The following FAM177A1 variants were observed in gnomAD, a reference collection of about 807,000 sequenced individuals.
FAM177A1 encodes the protein protein FAM177A1.
FAM177A1 carries 22 observed loss-of-function variants against 26.1 expected under a neutral mutation model. That is an observed-to-expected ratio of 0.84 (90% CI 0.60 to 1.20). The LOEUF (loss-of-function observed/expected upper bound fraction) is 1.20, where lower values mean the gene tolerates loss of function less well. Ranked by LOEUF, FAM177A1 falls within the 50% of genes most tolerant of loss-of-function variation. The pLI, the probability that FAM177A1 is intolerant of heterozygous loss-of-function variation, is 0.00. For missense variants in FAM177A1, 296 were observed against 291.1 expected, an observed-to-expected ratio of 1.02 and a Z score of -0.12; for synonymous variants, 95 against 99.3, an observed-to-expected ratio of 0.96 and a Z score of 0.26.
intron 2 of FAM177A1, among the ~76,000 whole-genome samples, chr14:35,067,418 TC>T (rs1418229888): frequency 6.6e-6 from 1 of 152,240 alleles, no homozygotes. Flanking sequence ...ATTTTCTTTA[TC>T]CATTCATCTG....
At position 35,080,678 on chromosome 14, in the gene FAM177A1, G is replaced by A. The variant is rs931144069; in HGVS notation, c.505-344G>A. Among the ~76,000 whole-genome samples the A allele has an allele frequency of 7.9e-5, 12 of 152,218 alleles. 1 individual carries two copies. The highest frequency in any genetic ancestry group is 7.9e-4 in the Admixed American group (12 of 15,278). ...TAGCTGGGCGTGGTGGCAGGTGCTT[G>A]TAGTCCCAGCTACTCAGGAGGCTGA... On this transcript the variant is annotated intron_variant, in intron 4 of 4. Coordinates refer to ENST00000280987, the MANE Select transcript of FAM177A1 (RefSeq NM_173607.5).
At chr14:35,052,358 A>T (rs2044986494) in intron 1 of FAM177A1, among the ~76,000 whole-genome samples, 2 of 151,482 alleles carry the variant, frequency 1.3e-5, no homozygotes, top group South Asian at 2.1e-4. Flanking sequence ...AGTAGTTGGG[A>T]CTACAGGCAC....
chr14:35,070,114 C>CAA lies in FAM177A1; in HGVS notation c.340-7001_340-7000dup, dbSNP rs746133319. On this transcript the variant is annotated intron_variant, in intron 2 of 4. Transcript: ENST00000280987. ...TGGGCGACAGAGTGAGACTCTGTCT[C>CAA]AAAAAAAAAAAAAAAAAAAAAAAAA... 1.0e-3 allele frequency among the ~76,000 whole-genome samples: 55 copies of CAA among 53,854 alleles called. 4 individuals are homozygous for CAA. The highest frequency in any genetic ancestry group is 1.4e-3 in the African/African-American group (17 of 12,090). 35.3% of individuals were successfully genotyped at this position (53,854 alleles called of 152,430 possible).
intron 2 of FAM177A1, among the ~76,000 whole-genome samples, chr14:35,061,036 C>T (rs908083842): frequency 1.3e-5 from 2 of 151,640 alleles, no homozygotes; most frequent in Non-Finnish European, 2.9e-5. Flanking sequence ...CTTATTGTGA[C>T]TAATCTATAA....
chr14:35,076,187 C>T (rs1258264031), intron 2 of FAM177A1, among the ~76,000 whole-genome samples: 1 of 152,120 alleles, frequency 6.6e-6, no homozygotes, highest in Non-Finnish European at 1.5e-5. Context: ...GACTTGGAAC[C>T]AACCCAAATG....
At chr14:35,063,528 A>C (rs926638703) in intron 2 of FAM177A1, among the ~76,000 whole-genome samples, 1 of 151,932 alleles carries the variant, frequency 6.6e-6, no homozygotes, top group African/African-American at 2.4e-5. Context: ...CAGTGAGTCA[A>C]GATCCCGCCA....
chr14:35,064,805 C>A (rs967877292), intron 2 of FAM177A1, among the ~76,000 whole-genome samples: 2 of 152,006 alleles, frequency 1.3e-5, no homozygotes, highest in East Asian at 3.9e-4. Flanking sequence ...GCACCCGCCA[C>A]CATGACCAGC....
chr14:35,075,656 A>G (rs1274285395), intron 2 of FAM177A1, among the ~76,000 whole-genome samples: 1 of 152,220 alleles, frequency 6.6e-6, no homozygotes, highest in Non-Finnish European at 1.5e-5. Flanking sequence ...ATCAGAGTGA[A>G]CAGGCAACCT....
chr14:35,062,168 A>G (rs546583265), intron 2 of FAM177A1, among the ~76,000 whole-genome samples: 1 of 152,088 alleles, frequency 6.6e-6, no homozygotes, highest in Admixed American at 6.6e-5. Context: ...TTTGTTACCA[A>G]ATTTTCATAG....
intron 2 of FAM177A1, among the ~76,000 whole-genome samples, chr14:35,058,803 A>G (rs2045102399): frequency 1.3e-5 from 2 of 152,126 alleles, no homozygotes; most frequent in Admixed American, 1.3e-4. Flanking sequence ...TGGAGCCCAG[A>G]AGTTTGAGGC....
chr14:35,081,256 C>G lies in FAM177A1; in HGVS notation c.*28C>G. 4 of 1,561,124 alleles carry G rather than the reference C, an allele frequency of 2.6e-6. No individual in the cohort carries two copies. The highest frequency in any genetic ancestry group is 3.4e-6 in the Non-Finnish European group (4 of 1,161,296). On this transcript the variant is annotated 3_prime_UTR_variant, in exon 5 of 5. Transcript: ENST00000280987. ...TGAAATGACTATCAAGCTTCAAACT[C>G]TTAAGTTTTTTTTTTTTAATACAAA...
intron 1 of FAM177A1, 37 bp from the exon 2 acceptor site, chr14:35,053,241 A>T: frequency 6.4e-7 from 1 of 1,563,752 alleles, no homozygotes; most frequent in Non-Finnish European, 8.7e-7. Context: ...AATTAATCTC[A>T]CTTGAAACTC....
chr14:35,059,574 C>T (rs185096930), intron 2 of FAM177A1, among the ~76,000 whole-genome samples: 278 of 140,288 alleles, frequency 2.0e-3, no homozygotes, highest in East Asian at 7.2e-3. Flanking sequence ...TCTCACTCAT[C>T]GCCAGGCTGG....
intron 2 of FAM177A1, among the ~76,000 whole-genome samples, chr14:35,072,929 A>G (rs183406623): frequency 1.3e-5 from 2 of 152,240 alleles, no homozygotes; most frequent in East Asian, 3.9e-4. Context: ...GAAGATGTGC[A>G]CAACACTTGG....
chr14:35,063,439 A>C (rs1171340018), intron 2 of FAM177A1, among the ~76,000 whole-genome samples: 1 of 150,932 alleles, frequency 6.6e-6, no homozygotes, highest in African/African-American at 2.4e-5. Context: ...TTAGCCAGGC[A>C]TGGGGGCGGG....
rs549036702 is a variant in FAM177A1 at position 35,052,176 on chromosome 14, T to TG, written c.166-1101dup. Among the ~76,000 whole-genome samples, 50 of 152,302 alleles carry TG rather than the reference T, an allele frequency of 3.3e-4. No individual in the cohort carries two copies. In the East Asian group the frequency reaches 9.5e-3, roughly 29 times the overall value. ...TTTCTACCCATGGGGTAACCACTGT[T>TG]GCCAGATTTTTCTTCACAATTGTAT... On this transcript the variant is annotated intron_variant, in intron 1 of 4. Coordinates refer to ENST00000280987, the MANE Select transcript of FAM177A1 (RefSeq NM_173607.5).
intron 1 of FAM177A1, among the ~76,000 whole-genome samples, chr14:35,052,820 G>T (rs1402433346): frequency 6.6e-6 from 1 of 152,084 alleles, no homozygotes; most frequent in African/African-American, 2.4e-5. Flanking sequence ...TACTCAGGAG[G>T]TGGACACAGA....
At chr14:35,062,121 G>A (rs1286326237) in intron 2 of FAM177A1, among the ~76,000 whole-genome samples, 4 of 152,202 alleles carry the variant, frequency 2.6e-5, no homozygotes, top group Non-Finnish European at 5.9e-5. Context: ...GGTGCTGAGA[G>A]GGAGTGGTCT....
At chr14:35,074,938 G>A (rs112847251) in intron 2 of FAM177A1, among the ~76,000 whole-genome samples, 5 of 152,146 alleles carry the variant, frequency 3.3e-5, no homozygotes, top group African/African-American at 1.2e-4. Flanking sequence ...TCGTGAGGCT[G>A]AGGCACAAGA....
Sources: allele counts gnomAD v4.1 joint callset (sites outside exome capture counted in the v4.1 genomes callset), GRCh38; gene constraint gnomAD v4.1.1; transcripts MANE v1.5; gene names NCBI Gene and HGNC (gene_info 2026-07-23, HGNC 2026-07-21).